The following SAMHD1 variants were observed in gnomAD, a reference collection of about 807,000 sequenced individuals.
SAMHD1 encodes the protein SAM and HD domain containing deoxynucleoside triphosphate triphosphohydrolase 1.
A neutral mutation model predicts 79.6 loss-of-function variants in SAMHD1; 54 were observed. The observed-to-expected ratio is 0.68, with a 90% CI of 0.55 to 0.85. The LOEUF (loss-of-function observed/expected upper bound fraction) is 0.85, where lower values mean the gene tolerates loss of function less well. Among genes scored for constraint, SAMHD1 ranks in the 40% least tolerant of loss-of-function variants. The pLI is 0.00. For synonymous variants in SAMHD1, 260 were observed against 264.1 expected (o/e 0.98, Z 0.15); for missense variants, 663 against 782.7 (o/e 0.85, Z 1.82).
At chr20:36,906,653 G>C (rs1465302081) in intron 11 of SAMHD1, among the ~76,000 whole-genome samples, 1 of 152,078 alleles carries the variant, frequency 6.6e-6, no homozygotes, top group East Asian at 1.9e-4. Flanking sequence ...TCGATGATGA[G>C]AGTAGAAGAA....
chr20:36,925,518 T>C (rs1458359716), intron 6 of SAMHD1, among the ~76,000 whole-genome samples: 1 of 152,192 alleles, frequency 6.6e-6, no homozygotes, highest in Non-Finnish European at 1.5e-5. Context: ...TTCATCAAAA[T>C]TGAAAACGTC....
At chr20:36,947,988 G>A (rs530542060) in intron 1 of SAMHD1, among the ~76,000 whole-genome samples, 1 of 152,130 alleles carries the variant, frequency 6.6e-6, no homozygotes, top group East Asian at 1.9e-4. Flanking sequence ...GGTTTTTGAT[G>A]AGAATACTTG....
Position 36,892,849 on chromosome 20 carries a change from CATT to C in SAMHD1, c.*80_*82del, listed in dbSNP as rs1312674718. ...AATACAAAATTAAAGCATGAGTTGTCATTAATTTGCAGAATTCTATGATTGAAG... is the reference window on the plus strand; with the variant it reads ...AATACAAAATTAAAGCATGAGTTGTCAATTTGCAGAATTCTATGATTGAAG... On this transcript the variant is annotated 3_prime_UTR_variant, in exon 16 of 16. Coordinates refer to ENST00000646673, the MANE Select transcript of SAMHD1 (RefSeq NM_015474.4). 1.3e-6 allele frequency: 2 copies of C among 1,546,070 alleles called. No individual in the cohort carries two copies. The highest frequency in any genetic ancestry group is 3.3e-5 in the Admixed American group (2 of 59,904).
Position 36,904,206 on chromosome 20 carries a change from G to T in SAMHD1, c.1454C>A (p.Pro485His). ...CAGTTTCACGTCTAGCAATACTTTG[G>T]GTTTAGCACTGGCAACCTCTTTTGG... ...SLPKEVASAK[P>H]KVLLDVKLKA... Residue 485 changes from proline to histidine, a missense_variant, in exon 13 of 16, where the codon CCC becomes CAC. Pro to His is a moderately conservative substitution (Grantham distance 77). Coordinates refer to ENST00000646673, the MANE Select transcript of SAMHD1 (RefSeq NM_015474.4). 1 of 1,613,674 alleles carries T rather than the reference G, an allele frequency of 6.2e-7. No homozygotes were observed. Among genetic ancestry groups the T allele is most frequent in the Non-Finnish European group, 8.5e-7 (1 of 1,179,794 alleles).
rs1990099726 is a variant in SAMHD1, at chr20:36,892,484, T to C, written c.*448A>G. On this transcript the variant is annotated 3_prime_UTR_variant, in exon 16 of 16. Coordinates refer to ENST00000646673, the MANE Select transcript of SAMHD1 (RefSeq NM_015474.4). ...TTTCTACATTAAAAACAAAAAACAA[T>C]CATCTGTCATAAAAGTTCAGAGTAA... The C allele has an allele frequency of 5.4e-6, 1 of 185,122 alleles. No individual in the cohort carries two copies. Among genetic ancestry groups the C allele is most frequent in the South Asian group, 1.0e-4 (1 of 9,862 alleles). The allele number at this position is 185,122 out of a possible 1,614,324, so 11.5% of individuals were successfully genotyped here.
At chr20:36,923,718 G>A (rs1185982319) in intron 6 of SAMHD1, among the ~76,000 whole-genome samples, 1 of 152,166 alleles carries the variant, frequency 6.6e-6, no homozygotes, top group Non-Finnish European at 1.5e-5. Context: ...GGGAGGCTGA[G>A]ATGGAAGGAT....
At chr20:36,921,412 A>AC (rs1555834620) in intron 6 of SAMHD1, among the ~76,000 whole-genome samples, 1 of 151,040 alleles carries the variant, frequency 6.6e-6, no homozygotes, top group Non-Finnish European at 1.5e-5. Context: ...AAAAAAAAAA[A>AC]CGAATTGAAT....
In SAMHD1 at chr20:36,919,523, G is replaced by A; in HGVS notation, c.697-4C>T. On this transcript the variant is annotated splice_polypyrimidine_tract_variant and splice_region_variant and intron_variant, in intron 6 of 15. Transcript: ENST00000646673. ...TCATAACTGAGCCTTGTTCATGCTA[G>A]GAAAAGTAAGCACAATATGATGTGT... 6.2e-7 allele frequency: 1 copy of A among 1,612,964 alleles called. No individual in the cohort carries two copies. The highest frequency in any genetic ancestry group is 8.5e-7 in the Non-Finnish European group (1 of 1,179,718).
In SAMHD1 at chr20:36,891,173, GT is replaced by G. The variant is rs1319691631; in HGVS notation, c.*1758del. ...CCATGGTAGGCATGAGAGGAGAAGT[GT>G]TTTAACTATTCTCTTATGAATTGTA... On this transcript the variant is annotated 3_prime_UTR_variant, in exon 16 of 16. Coordinates refer to ENST00000646673, the MANE Select transcript of SAMHD1 (RefSeq NM_015474.4). 1 of 152,232 alleles carries G rather than the reference GT, an allele frequency of 6.6e-6. No homozygotes were observed. Among genetic ancestry groups the G allele is most frequent in the Non-Finnish European group, 1.5e-5 (1 of 68,050 alleles). The allele number at this position is 152,232 out of a possible 1,614,324, so 9.4% of individuals were successfully genotyped here.
rs372876031 is a variant in SAMHD1, at chr20:36,894,230, A to T, written c.1747-1164T>A. 2.2e-4 allele frequency: 65 copies of T among 290,370 alleles called. No homozygotes were observed. In the South Asian group the frequency reaches 2.6e-3, roughly 11 times the overall value. 18.0% of individuals were successfully genotyped at this position (290,370 alleles called of 1,614,324 possible). On this transcript the variant is annotated intron_variant, in intron 15 of 15. Transcript: ENST00000646673. Reference sequence around the variant, plus strand: ...GATAGAACTATTAAAAATAGTTTTTAAAAAATGTGTTATTATTTTTTTTTG... The same window carrying T: ...GATAGAACTATTAAAAATAGTTTTTTAAAAATGTGTTATTATTTTTTTTTG...
intron 11 of SAMHD1, among the ~76,000 whole-genome samples, chr20:36,910,683 T>C (rs1416037159): frequency 2.0e-5 from 3 of 151,522 alleles, no homozygotes; most frequent in African/African-American, 7.3e-5. Context: ...TGAGCCAAGA[T>C]TGTGCCAGTG....
chr20:36,936,969 CGT>C (rs976214266), intron 3 of SAMHD1, among the ~76,000 whole-genome samples: 13 of 142,030 alleles, frequency 9.2e-5, no homozygotes, highest in African/African-American at 1.4e-4. Flanking sequence ...GATGAAATCC[CGT>C]CTCTACTAAA....
chr20:36,944,378 A>G (rs1409309816), intron 2 of SAMHD1, among the ~76,000 whole-genome samples: 1 of 152,106 alleles, frequency 6.6e-6, no homozygotes, highest in Admixed American at 6.6e-5. Flanking sequence ...GATCCAAAGG[A>G]TATTTACTGG....
At chr20:36,937,276 C>A (rs187380154) in intron 3 of SAMHD1, among the ~76,000 whole-genome samples, 1 of 152,110 alleles carries the variant, frequency 6.6e-6, no homozygotes, top group Admixed American at 6.6e-5. Flanking sequence ...ATAAAGAACA[C>A]TGTGTCAAGA....
chr20:36,934,979 C>T (rs935970127), intron 4 of SAMHD1, 50 bp downstream of exon 4: 5 of 1,578,696 alleles, frequency 3.2e-6, no homozygotes, highest in African/African-American at 1.3e-5. Flanking sequence ...TTTCATGAGA[C>T]AGAGAAAATA....
chr20:36,915,378 A>G (rs1348904880), intron 9 of SAMHD1, among the ~76,000 whole-genome samples: 1 of 152,174 alleles, frequency 6.6e-6, no homozygotes, highest in African/African-American at 2.4e-5. Flanking sequence ...GTAACTGACC[A>G]TTAAGGTTAT....
intron 3 of SAMHD1, among the ~76,000 whole-genome samples, chr20:36,939,382 C>T (rs1237865283): frequency 2.0e-5 from 3 of 151,820 alleles, no homozygotes; most frequent in Non-Finnish European, 2.9e-5. Context: ...CACATGAGGT[C>T]AGGAGTTCGA....
chr20:36,893,230 G>T, intron 15 of SAMHD1, 164 bp from the exon 16 acceptor site: 1 of 805,592 alleles, frequency 1.2e-6, no homozygotes, highest in Non-Finnish European at 2.0e-6. Context: ...CTGTGCTTGG[G>T]GCAAATTAGA....
At chr20:36,925,181 G>T (rs1243689188) in intron 6 of SAMHD1, among the ~76,000 whole-genome samples, 2 of 149,458 alleles carry the variant, frequency 1.3e-5, no homozygotes, top group Non-Finnish European at 1.5e-5. Context: ...GAAAAAAAAA[G>T]ATTTCTCCCA....
Sources: gnomAD v4.1 joint callset for allele counts (sites outside exome capture counted in the v4.1 genomes callset) on GRCh38, gnomAD v4.1.1 for gene constraint, MANE v1.5 for transcripts, NCBI Gene and HGNC (gene_info 2026-07-23, HGNC 2026-07-21) for gene names.